LRRC7: variants seen among roughly 807,000 people sequenced by gnomAD.
LRRC7 encodes leucine-rich repeat-containing protein 7.
Under a neutral mutation model 175.7 loss-of-function variants are expected in LRRC7, and 23 were observed. The observed-to-expected ratio is 0.13, with a 90% CI of 0.09 to 0.19. The LOEUF is 0.19. LRRC7 is among the 10% of genes least tolerant of loss of function. LRRC7 has a pLI of 1.00. For synonymous variants in LRRC7, 685 were observed against 680.9 expected (o/e 1.01, Z -0.09); for missense variants, 1,354 against 1,904.7 (o/e 0.71, Z 5.38).
chr1:70,046,408 C>T (rs977303979), intron 22 of LRRC7, among the ~76,000 whole-genome samples: 6 of 151,968 alleles, frequency 3.9e-5, no homozygotes, highest in Non-Finnish European at 5.9e-5. Context: ...ATGACCAAAA[C>T]GAATTCTCTT....
At chr1:69,825,707 G>C (rs780514839) in intron 4 of LRRC7, 41 bp from the exon 5 acceptor site, 1 of 1,309,006 alleles carries the variant, frequency 7.6e-7, no homozygotes, top group African/African-American at 1.5e-5. Context: ...AAGAATATTT[G>C]TTGGAACATT....
intron 8 of LRRC7, among the ~76,000 whole-genome samples, chr1:69,949,637 A>G: frequency 6.6e-6 from 1 of 152,146 alleles, no homozygotes; most frequent in East Asian, 1.9e-4. Flanking sequence ...TCTATAACCT[A>G]TTGATGGGCA....
rs1293894662 is a variant in LRRC7 at position 70,135,620 on chromosome 1, A to C, written c.*13733A>C. On this transcript the variant is annotated 3_prime_UTR_variant, in exon 27 of 27. Coordinates refer to ENST00000651989, the MANE Select transcript of LRRC7 (RefSeq NM_001370785.2). ...GTGTCACCTCCCTGACAAATAAGTG[A>C]ATATCCATCATATTCAAGACTTCAC... Among the ~76,000 whole-genome samples the C allele has an allele frequency of 6.6e-6, 1 of 152,230 alleles. No homozygotes were observed. Among genetic ancestry groups the C allele is most frequent in the African/African-American group, 2.4e-5 (1 of 41,458 alleles).
At position 70,005,574 on chromosome 1, in the gene LRRC7, C is replaced by A. The variant is rs76395047; in HGVS notation, c.1005-6223C>A. Among the ~76,000 whole-genome samples the A allele has an allele frequency of 1.7e-3, 252 of 152,300 alleles. 2 individuals carry two copies. Among genetic ancestry groups the A allele is most frequent in the Non-Finnish European group, 2.6e-3 (178 of 68,030 alleles). ...AAACTGAAGTCAATACAGCTGATTT[C>A]AAACATTATTACTCCCAGTAGCATC... On this transcript the variant is annotated intron_variant, in intron 11 of 26. Transcript: ENST00000651989.
chr1:69,752,173 T>C (rs1219373096), intron 2 of LRRC7, among the ~76,000 whole-genome samples: 1 of 152,102 alleles, frequency 6.6e-6, no homozygotes, highest in African/African-American at 2.4e-5. Flanking sequence ...AGAGATGTAC[T>C]TGAGGGTAGG....
intron 11 of LRRC7, among the ~76,000 whole-genome samples, chr1:70,006,311 G>A (rs1013550169): frequency 2.0e-5 from 3 of 151,616 alleles, no homozygotes; most frequent in South Asian, 2.1e-4. Context: ...AGAGTAGTGC[G>A]GGACTGTATA....
intron 8 of LRRC7, among the ~76,000 whole-genome samples, chr1:69,973,829 G>A (rs1652527404): frequency 6.6e-6 from 1 of 151,972 alleles, no homozygotes; most frequent in African/African-American, 2.4e-5. Context: ...CAGGTGATCC[G>A]CCCACCTCAG....
At chr1:70,047,760 C>T (rs4649906) in intron 22 of LRRC7, among the ~76,000 whole-genome samples, 19,404 of 151,604 alleles carry the variant, frequency 0.13, 1,686 homozygotes, top group African/African-American at 0.24. Context: ...ATTACATCTT[C>T]TATAATTTTA....
rs1214459993 is a variant in LRRC7, at chr1:70,124,576, A to C, written c.*2689A>C. On this transcript the variant is annotated 3_prime_UTR_variant, in exon 27 of 27. Transcript: ENST00000651989. ...AAGTAGAAAAGAGGCAATTTTTTTT[A>C]GGTTGACTGAATAGAATCACTAAAC... Among the ~76,000 whole-genome samples, 1 of 152,120 alleles carries C rather than the reference A, an allele frequency of 6.6e-6. No homozygotes were observed. Among genetic ancestry groups the C allele is most frequent in the Non-Finnish European group, 1.5e-5 (1 of 68,012 alleles).
chr1:69,815,745 A>G (rs1678508939), intron 4 of LRRC7, among the ~76,000 whole-genome samples: 3 of 152,158 alleles, frequency 2.0e-5, no homozygotes, highest in Admixed American at 2.0e-4. Flanking sequence ...AACAACAAAC[A>G]TTTATTTCTC....
At chr1:69,733,550 A>G (rs1186700592) in intron 2 of LRRC7, among the ~76,000 whole-genome samples, 1 of 152,026 alleles carries the variant, frequency 6.6e-6, no homozygotes, top group Non-Finnish European at 1.5e-5. Context: ...CTGTCAATTT[A>G]TTTTTTATTT....
chr1:69,984,917 A>T (rs539991088), intron 9 of LRRC7, among the ~76,000 whole-genome samples: 7 of 152,166 alleles, frequency 4.6e-5, no homozygotes, highest in African/African-American at 1.7e-4. Context: ...TCTCCCTGTA[A>T]TCTCAACTTC....
intron 23 of LRRC7, among the ~76,000 whole-genome samples, chr1:70,067,952 T>A (rs552753249): frequency 6.6e-5 from 10 of 152,330 alleles, no homozygotes; most frequent in Non-Finnish European, 1.3e-4. Context: ...GATTTGTGTA[T>A]GTTTATCTTG....
rs1038842511 is a variant in LRRC7, at chr1:69,606,793, G to A, written c.2+38152G>A. The A allele has an allele frequency of 2.0e-5, 3 of 152,012 alleles. No individual in the cohort carries two copies. In the South Asian group the frequency reaches 6.2e-4, roughly 32 times the overall value. 9.4% of individuals were successfully genotyped at this position (152,012 alleles called of 1,614,324 possible). ...TAGGTGTAGAATGAATTGCAACAACGGCCAACAAAAGCATCATTGCATTTG... is the reference window on the plus strand; with the variant it reads ...TAGGTGTAGAATGAATTGCAACAACAGCCAACAAAAGCATCATTGCATTTG... On this transcript the variant is annotated intron_variant, in intron 1 of 26. Transcript: ENST00000651989.
chr1:69,848,356 C>G (rs1007172773), intron 7 of LRRC7, among the ~76,000 whole-genome samples: 1 of 152,014 alleles, frequency 6.6e-6, no homozygotes, highest in South Asian at 2.1e-4. Context: ...GCACAGTCTC[C>G]GCAGCAGTGG....
intron 7 of LRRC7, among the ~76,000 whole-genome samples, chr1:69,914,891 C>G (rs1570630953): frequency 6.6e-6 from 1 of 152,042 alleles, no homozygotes; most frequent in Non-Finnish European, 1.5e-5. Context: ...CAATGTGGCC[C>G]TTTACAGAGA....
At chr1:69,576,592 C>T (rs1483970188) in intron 1 of LRRC7, among the ~76,000 whole-genome samples, 4 of 152,178 alleles carry the variant, frequency 2.6e-5, no homozygotes, top group Non-Finnish European at 4.4e-5. Flanking sequence ...CATACATACA[C>T]AGTCCCATCT....
intron 2 of LRRC7, among the ~76,000 whole-genome samples, chr1:69,755,629 G>T (rs1169427425): frequency 6.6e-6 from 1 of 151,492 alleles, no homozygotes; most frequent in Non-Finnish European, 1.5e-5. Context: ...TACCCACAAA[G>T]GGATATGAAA....
At chr1:69,758,630 G>T (rs1383128737) in intron 2 of LRRC7, among the ~76,000 whole-genome samples, 1 of 151,910 alleles carries the variant, frequency 6.6e-6, no homozygotes, top group African/African-American at 2.4e-5. Context: ...ATACCCAACA[G>T]GTAGTTTTTT....
Sources: gnomAD v4.1 joint callset for allele counts (sites outside exome capture counted in the v4.1 genomes callset) on GRCh38, gnomAD v4.1.1 for gene constraint, MANE v1.5 for transcripts, NCBI Gene and HGNC (gene_info 2026-07-23, HGNC 2026-07-21) for gene names.